USP20: variants seen among roughly 807,000 people sequenced by gnomAD.
The protein encoded by USP20 is ubiquitin carboxyl-terminal hydrolase 20.
Under a neutral mutation model 124.2 loss-of-function variants are expected in USP20, and 80 were observed. That is an observed-to-expected ratio of 0.64 (90% CI 0.54 to 0.78). USP20 has a LOEUF of 0.78. Ranked by LOEUF, USP20 falls within the 30% of genes least tolerant of loss-of-function variation. The pLI is 0.00. For synonymous variants in USP20, 481 were observed against 512.3 expected (o/e 0.94, Z 0.83); for missense variants, 1,043 against 1,244.4 (o/e 0.84, Z 2.44).
chr9:129,875,752 C>A, intron 21 of USP20, 111 bp downstream of exon 21: 2 of 1,059,514 alleles, frequency 1.9e-6, no homozygotes, highest in Non-Finnish European at 2.7e-6. Flanking sequence ...CACACTCTGG[C>A]CTCCACGTGG....
intron 22 of USP20, among the ~76,000 whole-genome samples, chr9:129,876,756 C>T (rs536942911): frequency 2.0e-5 from 3 of 152,072 alleles, no homozygotes; most frequent in Non-Finnish European, 2.9e-5. Context: ...GAAGCCTCAT[C>T]GCCCGGGTGC....
In USP20 at chr9:129,856,447, T is replaced by G. The variant is rs1277753458; in HGVS notation, c.135+87T>G. Reference sequence around the variant, plus strand: ...CAGGCTGGTGCAGTGGGCTAGACTCTGGGCTGGGAACTTCCATCCCTAGTG... The same window carrying G: ...CAGGCTGGTGCAGTGGGCTAGACTCGGGGCTGGGAACTTCCATCCCTAGTG... On this transcript the variant is annotated intron_variant, in intron 4 of 25. Coordinates refer to ENST00000372429, the MANE Select transcript of USP20 (RefSeq NM_001110303.4). The G allele has an allele frequency of 1.1e-5, 17 of 1,489,596 alleles. No homozygotes were observed. In the Admixed American group the frequency reaches 1.5e-4, roughly 13 times the overall value. The allele number at this position is 1,489,596 out of a possible 1,614,324, so 92.3% of individuals were successfully genotyped here.
At chr9:129,863,143 C>G in intron 8 of USP20, 43 bp from the exon 9 acceptor site, 9 of 1,457,760 alleles carry the variant, frequency 6.2e-6, no homozygotes, top group Non-Finnish European at 8.3e-6. Context: ...TGCCGCATGC[C>G]TCATTTGCTC....
intron 1 of USP20, chr9:129,835,844 C>T (rs531367383): frequency 5.2e-5 from 8 of 152,458 alleles, no homozygotes; most frequent in South Asian, 2.1e-4. Context: ...CTTTTCTTTC[C>T]TCGGGCTCTG....
rs747381066 is a variant in USP20, at chr9:129,868,345, T to G, written c.1031T>G (p.Val344Gly). Reference sequence around the variant, plus strand: ...CAGCAGCGTACAAACTCGGAGCAAGTGGACGAGGACGCTGATGTGGACACT... The same window carrying G: ...CAGCAGCGTACAAACTCGGAGCAAGGGGACGAGGACGCTGATGTGGACACT... ...WGQQRTNSEQ[V>G]DEDADVDTAM... Residue 344 changes from valine to glycine, a missense_variant, in exon 11 of 26, where the codon GTG becomes GGG. Val to Gly is a moderately radical substitution (Grantham distance 109). Coordinates refer to ENST00000372429, the MANE Select transcript of USP20 (RefSeq NM_001110303.4). 6.2e-7 allele frequency: 1 copy of G among 1,612,524 alleles called. No individual in the cohort carries two copies. The highest frequency in any genetic ancestry group is 8.5e-7 in the Non-Finnish European group (1 of 1,179,748).
intron 15 of USP20, among the ~76,000 whole-genome samples, chr9:129,871,749 T>C (rs886315313): frequency 1.3e-5 from 2 of 152,248 alleles, no homozygotes; most frequent in African/African-American, 4.8e-5. Context: ...GGAGTCTCTC[T>C]CTTGACGCCC....
At chr9:129,847,306 T>G (rs1257515970) in intron 1 of USP20, among the ~76,000 whole-genome samples, 1 of 150,668 alleles carries the variant, frequency 6.6e-6, no homozygotes, top group Non-Finnish European at 1.5e-5. Flanking sequence ...ACACTTTTTT[T>G]TTTTTTTTTT....
At position 129,861,008 on chromosome 9, in the gene USP20, A is replaced by G. The variant is rs755807009; in HGVS notation, c.402A>G (p.Ser134=). 6 of 1,614,150 alleles carry G rather than the reference A, an allele frequency of 3.7e-6. No homozygotes were observed. The highest frequency in any genetic ancestry group is 5.1e-6 in the Non-Finnish European group (6 of 1,179,980). Residue 134 remains serine (S), a synonymous_variant, in exon 7 of 26, where the codon TCA becomes TCG. Transcript: ENST00000372429. The stretch of plus-strand genomic sequence containing the variant: ...TGGCTGATGAAGGAGAGTCTGAGTC[A>G]GAGGACGATGACCTGAAACCTCGAG... ...IAVADEGESE[S]EDDDLKPRGL... is the part of the protein sequence containing the mutation.
Position 129,863,359 on chromosome 9 carries a change from C to T in USP20, c.611+60C>T, listed in dbSNP as rs909044588. The T allele has an allele frequency of 2.2e-6, 3 of 1,351,584 alleles. 1 individual carries two copies. The highest frequency in any genetic ancestry group is 3.1e-6 in the Non-Finnish European group (3 of 978,642). The allele number at this position is 1,351,584 out of a possible 1,614,324, so 83.7% of individuals were successfully genotyped here. ...TGGGGACTGGGGTTTCCTGTCAGCA[C>T]CCATGATTGAGTACTTCCTGTGGAT... On this transcript the variant is annotated intron_variant, in intron 9 of 25. Coordinates refer to ENST00000372429, the MANE Select transcript of USP20 (RefSeq NM_001110303.4).
chr9:129,869,409 GTC>G lies in USP20; in HGVS notation c.1379_1380del (p.Leu460HisfsTer3). On this transcript the variant is annotated frameshift_variant, in exon 13 of 26. Transcript: ENST00000372429. LOFTEE classifies it high-confidence loss of function. ...GGCTCCATTCTCAGCCTTGTGCAGTGTCTCACCTGTGACCGGGTGGGTGCCCC... is the reference window on the plus strand; with the variant it reads ...GGCTCCATTCTCAGCCTTGTGCAGTGTCACCTGTGACCGGGTGGGTGCCCC... 1 of 1,613,654 alleles carries G rather than the reference GTC, an allele frequency of 6.2e-7. No homozygotes were observed.
chr9:129,853,417 G>A (rs1304182758), intron 3 of USP20, among the ~76,000 whole-genome samples: 2 of 152,196 alleles, frequency 1.3e-5, no homozygotes, highest in Non-Finnish European at 2.9e-5. Context: ...TGCTCTCTGG[G>A]TGGACACCTG....
At chr9:129,852,260 C>T (rs1181851432) in intron 2 of USP20, among the ~76,000 whole-genome samples, 1 of 151,888 alleles carries the variant, frequency 6.6e-6, no homozygotes, top group Non-Finnish European at 1.5e-5. Flanking sequence ...ATTCTGATCA[C>T]TACACCTGTC....
intron 8 of USP20, among the ~76,000 whole-genome samples, chr9:129,862,970 C>A (rs975137639): frequency 4.2e-5 from 4 of 95,218 alleles, no homozygotes; most frequent in Admixed American, 4.1e-4. Flanking sequence ...AATAAAAATG[C>A]CCTGTCTCTG....
intron 13 of USP20, 108 bp from the exon 14 acceptor site, chr9:129,869,564 C>CGTGTCTATG: frequency 6.5e-7 from 1 of 1,544,682 alleles, no homozygotes; most frequent in Non-Finnish European, 8.9e-7. Flanking sequence ...GCGTGGATCC[C>CGTGTCTATG]GTGTCTATGG....
intron 1 of USP20, among the ~76,000 whole-genome samples, chr9:129,845,685 A>G (rs192953573): frequency 6.6e-6 from 1 of 152,024 alleles, no homozygotes; most frequent in African/African-American, 2.4e-5. Flanking sequence ...AGCCACTGTG[A>G]CTGACCTTAT....
Position 129,869,690 on chromosome 9 carries a change from A to G in USP20, c.1411A>G (p.Thr471Ala). Residue 471 changes from threonine (T) to alanine (A), a missense_variant, in exon 14 of 26, where the codon ACG becomes GCG. Physicochemically the swap from Thr to Ala is moderately conservative, Grantham distance 58. Coordinates refer to ENST00000372429, the MANE Select transcript of USP20 (RefSeq NM_001110303.4). ...TCDRVSTTVE[T>A]FQDLSLPIPG... ...CCCACAGGTATCCACCACAGTGGAA[A>G]CGTTCCAGGACTTATCACTGCCCAT... 6.2e-7 allele frequency: 1 copy of G among 1,614,104 alleles called. No homozygotes were observed. Among genetic ancestry groups the G allele is most frequent in the Non-Finnish European group, 8.5e-7 (1 of 1,180,008 alleles).
chr9:129,876,761 G>A (rs1206433124), intron 22 of USP20, among the ~76,000 whole-genome samples: 1 of 152,136 alleles, frequency 6.6e-6, no homozygotes, highest in Non-Finnish European at 1.5e-5. Context: ...CTCATCGCCC[G>A]GGTGCTGTTG....
chr9:129,875,187 G>T (rs1172812512), intron 19 of USP20, 123 bp from the exon 20 acceptor site: 1 of 1,269,342 alleles, frequency 7.9e-7, no homozygotes, highest in Non-Finnish European at 1.1e-6. Context: ...TCCAGGACCC[G>T]TGAAGGACCC....
rs1232537505 is a variant in USP20, at chr9:129,858,561, C to T, written c.293C>T (p.Ala98Val). Reference protein sequence around the residue: ...KEVFLEQRLAAPLLGSSSKFS... With the variant: ...KEVFLEQRLAVPLLGSSSKFS... The stretch of plus-strand genomic sequence containing the variant: ...GTATTCCTGGAGCAGCGGCTGGCAG[C>T]CCCTCTGCTGGGCTCCTCTTCCAAG... The change falls in exon 6 of 26, where the codon GCC becomes GTC. Residue 98 changes from alanine (A) to valine (V), a missense_variant. Ala to Val is a moderately conservative substitution (Grantham distance 64). Coordinates refer to ENST00000372429, the MANE Select transcript of USP20 (RefSeq NM_001110303.4). The T allele has an allele frequency of 1.9e-6, 3 of 1,614,204 alleles. No individual in the cohort carries two copies. The highest frequency in any genetic ancestry group is 2.5e-6 in the Non-Finnish European group (3 of 1,180,034).
Sources: gnomAD v4.1 joint callset for allele counts (sites outside exome capture counted in the v4.1 genomes callset) on GRCh38, gnomAD v4.1.1 for gene constraint, MANE v1.5 for transcripts, NCBI Gene and HGNC (gene_info 2026-07-23, HGNC 2026-07-21) for gene names.